FARS2: variants seen among roughly 807,000 people sequenced by gnomAD.
The protein encoded by FARS2 is phenylalanine--tRNA ligase, mitochondrial.
Under a neutral mutation model 46.4 loss-of-function variants are expected in FARS2, and 40 were observed. The observed-to-expected ratio is 0.86, with a 90% CI of 0.67 to 1.12. FARS2 has a LOEUF of 1.12. Ranked by LOEUF, FARS2 falls within the 50% of genes most tolerant of loss-of-function variation. The pLI is 0.00. For synonymous variants in FARS2, 234 were observed against 214.9 expected (o/e 1.09, Z -0.78); for missense variants, 513 against 567.9 (o/e 0.90, Z 0.98).
chr6:5,626,508 C>A (rs1776039566), intron 6 of FARS2, among the ~76,000 whole-genome samples: 1 of 152,158 alleles, frequency 6.6e-6, no homozygotes, highest in African/African-American at 2.4e-5. Context: ...GTACGTTTCC[C>A]CACTGTCAAC....
intron 1 of FARS2, among the ~76,000 whole-genome samples, chr6:5,287,551 A>T (rs1017238840): frequency 1.3e-5 from 2 of 152,128 alleles, no homozygotes; most frequent in Non-Finnish European, 2.9e-5. Flanking sequence ...TGCGAGCCCA[A>T]TGAGGGGACA....
intron 2 of FARS2, among the ~76,000 whole-genome samples, chr6:5,396,216 A>G (rs1760890111): frequency 6.6e-6 from 1 of 152,220 alleles, no homozygotes; most frequent in Admixed American, 6.5e-5. Context: ...AATAGATTCT[A>G]GTAATTAAAG....
chr6:5,294,500 T>A (rs757235972), intron 1 of FARS2, among the ~76,000 whole-genome samples: 1 of 152,060 alleles, frequency 6.6e-6, no homozygotes, highest in Non-Finnish European at 1.5e-5. Context: ...GTTCTGACAC[T>A]CTCTACCCAG....
intron 1 of FARS2, among the ~76,000 whole-genome samples, chr6:5,305,724 T>G (rs1768652638): frequency 6.6e-6 from 1 of 152,216 alleles, no homozygotes; most frequent in African/African-American, 2.4e-5. Flanking sequence ...TTGGGAGAAC[T>G]TGGCGTACTT....
intron 1 of FARS2, among the ~76,000 whole-genome samples, chr6:5,317,455 C>CT (rs1769605945): frequency 1.3e-5 from 2 of 152,174 alleles, no homozygotes; most frequent in Admixed American, 1.3e-4. Context: ...AGCTCAGACT[C>CT]TGAGTTCTTG....
intron 6 of FARS2, among the ~76,000 whole-genome samples, chr6:5,649,835 G>C (rs183914077): frequency 1.3e-5 from 2 of 152,346 alleles, no homozygotes; most frequent in Admixed American, 1.3e-4. Flanking sequence ...AAGTTTGGCA[G>C]ATGTGGTCTA....
At chr6:5,646,964 T>C (rs1465376476) in intron 6 of FARS2, among the ~76,000 whole-genome samples, 1 of 152,190 alleles carries the variant, frequency 6.6e-6, no homozygotes, top group East Asian at 1.9e-4. Flanking sequence ...TCAGAGAATA[T>C]CTAGTAAGGT....
intron 5 of FARS2, among the ~76,000 whole-genome samples, chr6:5,547,380 TG>T (rs67259765): frequency 0.024 from 3,582 of 150,014 alleles, 167 homozygotes; most frequent in African/African-American, 0.081. Context: ...CTTGTCTTTT[TG>T]TTTTTTTTTT....
intron 1 of FARS2, among the ~76,000 whole-genome samples, chr6:5,265,430 T>C (rs1765486119): frequency 6.6e-6 from 1 of 152,216 alleles, no homozygotes. Context: ...GAATAAATCA[T>C]TTCTTCCCTT....
At chr6:5,394,937 A>G (rs1270638635) in intron 2 of FARS2, among the ~76,000 whole-genome samples, 1 of 152,120 alleles carries the variant, frequency 6.6e-6, no homozygotes, top group Non-Finnish European at 1.5e-5. Context: ...TTTGTAGGAG[A>G]GTAGGACTGT....
At chr6:5,268,761 G>A (rs1485943485) in intron 1 of FARS2, among the ~76,000 whole-genome samples, 2 of 152,118 alleles carry the variant, frequency 1.3e-5, no homozygotes, top group African/African-American at 4.8e-5. Context: ...TAGCTTGATG[G>A]GGATGGCACT....
chr6:5,583,329 C>G (rs1773439683), intron 5 of FARS2, among the ~76,000 whole-genome samples: 1 of 152,184 alleles, frequency 6.6e-6, no homozygotes, highest in Admixed American at 6.5e-5. Context: ...TATTGAGCAC[C>G]TGCAGCCAGG....
At chr6:5,589,246 AT>A (rs1773786727) in intron 5 of FARS2, among the ~76,000 whole-genome samples, 1 of 152,100 alleles carries the variant, frequency 6.6e-6, no homozygotes, top group African/African-American at 2.4e-5. Context: ...CCCTGGGCAA[AT>A]TTCTTAGCCT....
intron 2 of FARS2, among the ~76,000 whole-genome samples, chr6:5,386,182 T>C (rs1355957166): frequency 3.3e-5 from 5 of 151,960 alleles, no homozygotes; most frequent in African/African-American, 1.2e-4. Flanking sequence ...GACAAAACAT[T>C]ATAGTTGTAC....
chr6:5,554,300 G>A (rs1295048804), intron 5 of FARS2, among the ~76,000 whole-genome samples: 1 of 152,060 alleles, frequency 6.6e-6, no homozygotes, highest in Non-Finnish European at 1.5e-5. Flanking sequence ...ATTTACTTCA[G>A]AAAAAAGGAA....
intron 5 of FARS2, among the ~76,000 whole-genome samples, chr6:5,562,430 G>A (rs1483309075): frequency 6.6e-6 from 1 of 152,140 alleles, no homozygotes; most frequent in East Asian, 1.9e-4. Context: ...CTATAAAGCA[G>A]TAGGTGATTC....
chr6:5,668,108 G>A (rs1778237952), intron 6 of FARS2: 1 of 152,174 alleles, frequency 6.6e-6, no homozygotes. Context: ...ACAATAAATG[G>A]TAGGTCTGAA....
intron 2 of FARS2, among the ~76,000 whole-genome samples, chr6:5,371,469 AAAC>A (rs560934363): frequency 3.3e-4 from 50 of 152,312 alleles, no homozygotes; most frequent in Non-Finnish European, 6.2e-4. Flanking sequence ...CAGGGTAAAA[AAAC>A]AATGATAAGT....
chr6:5,405,451 C>T (rs1387080113), intron 3 of FARS2, among the ~76,000 whole-genome samples: 1 of 141,880 alleles, frequency 7.0e-6, no homozygotes, highest in East Asian at 2.1e-4. Context: ...GTTATCATTA[C>T]ATGAGGACGT....
Sources: gnomAD v4.1 joint callset for allele counts (sites outside exome capture counted in the v4.1 genomes callset) on GRCh38, gnomAD v4.1.1 for gene constraint, MANE v1.5 for transcripts, NCBI Gene and HGNC (gene_info 2026-07-23, HGNC 2026-07-21) for gene names.